Variants in STAM observed in about 807,000 individuals in gnomAD.
STAM encodes signal transducing adaptor molecule, also known as signal transducing adapter molecule 1.
Under a neutral mutation model 63.4 loss-of-function variants are expected in STAM, and 16 were observed. The observed-to-expected ratio is 0.25, with a 90% CI of 0.17 to 0.38. STAM has a LOEUF of 0.38. Ranked by LOEUF, STAM falls within the 10% of genes least tolerant of loss-of-function variation. STAM has a pLI of 1.00. For missense variants in STAM, 636 were observed against 657.1 expected (o/e 0.97, Z 0.35); for synonymous variants, 238 against 223.9 (o/e 1.06, Z -0.56).
At chr10:17,646,564 G>A (rs1477010826) in intron 1 of STAM, among the ~76,000 whole-genome samples, 1 of 152,226 alleles carries the variant, frequency 6.6e-6, no homozygotes, top group Non-Finnish European at 1.5e-5. Flanking sequence ...GAATGTGTCA[G>A]TTGAGCCTGC....
intron 2 of STAM, among the ~76,000 whole-genome samples, chr10:17,674,352 C>T (rs1834761072): frequency 6.6e-6 from 1 of 152,138 alleles, no homozygotes; most frequent in African/African-American, 2.4e-5. Context: ...TGTGGGTTAA[C>T]AGCTGGGCAG....
intron 8 of STAM, among the ~76,000 whole-genome samples, chr10:17,698,701 G>A (rs191091181): frequency 1.2e-3 from 190 of 152,078 alleles, no homozygotes; most frequent in African/African-American, 4.4e-3. Flanking sequence ...AAAATATTGT[G>A]AAATCCCTTT....
chr10:17,664,390 T>C (rs1435895344), intron 2 of STAM, among the ~76,000 whole-genome samples: 1 of 152,248 alleles, frequency 6.6e-6, no homozygotes, highest in Non-Finnish European at 1.5e-5. Context: ...CATCCCAAAC[T>C]GAAACCCTGT....
intron 9 of STAM, among the ~76,000 whole-genome samples, chr10:17,702,972 G>GCACT (rs1397762806): frequency 6.1e-4 from 80 of 131,108 alleles, no homozygotes; most frequent in African/African-American, 2.3e-3. Flanking sequence ...TCATGCCACT[G>GCACT]CACTCCAGCC....
At chr10:17,657,849 CTT>C (rs568800021) in intron 1 of STAM, among the ~76,000 whole-genome samples, 3 of 144,538 alleles carry the variant, frequency 2.1e-5, no homozygotes, top group East Asian at 4.0e-4. Context: ...TTTTCTCTCT[CTT>C]TTTTTTTTTT....
rs1836424811 is a variant in STAM, at chr10:17,708,889, A to C, written c.1323A>C (p.Ala441=). Residue 441 remains alanine (A), a synonymous_variant, in exon 13 of 14, where the codon GCA becomes GCC. Transcript: ENST00000377524. ...PPEQLSSLSQ[A]VVPPSANPAL... ...AGCAGCTGTCTTCTCTCAGCCAGGC[A>C]GTGGTCCCACCATCCGCAAACCCAG... The C allele has an allele frequency of 1.2e-6, 2 of 1,614,198 alleles. No homozygotes were observed. The highest frequency in any genetic ancestry group is 1.3e-5 in the African/African-American group (1 of 75,056).
chr10:17,684,719 A>G lies in STAM; in HGVS notation c.170A>G (p.Lys57Arg). 5 of 1,614,030 alleles carry G rather than the reference A, an allele frequency of 3.1e-6. No individual in the cohort carries two copies. Among genetic ancestry groups the G allele is most frequent in the Non-Finnish European group, 4.2e-6 (5 of 1,179,986 alleles). Residue 57 changes from lysine (K) to arginine (R), a missense_variant, in exon 3 of 14, where the codon AAA (lysine) becomes AGA (arginine). By Grantham distance (26) the Lys-to-Arg change is conservative (BLOSUM62 2). Transcript: ENST00000377524. ...TCTATTATGAGAAGAGTGAACCACAAAGATCCTCACGTTGCTATGCAGGCT... is the reference window on the plus strand; with the variant it reads ...TCTATTATGAGAAGAGTGAACCACAGAGATCCTCACGTTGCTATGCAGGCT... ...LRSIMRRVNH[K>R]DPHVAMQALT...
chr10:17,644,404 C>G, intron 1 of STAM, 25 bp downstream of exon 1: 1 of 1,613,906 alleles, frequency 6.2e-7, no homozygotes, highest in Non-Finnish European at 8.5e-7. Flanking sequence ...CTCTCCCTGC[C>G]CATTCCTCAC....
intron 2 of STAM, among the ~76,000 whole-genome samples, chr10:17,678,073 C>A (rs547407466): frequency 2.7e-4 from 41 of 152,206 alleles, no homozygotes; most frequent in African/African-American, 9.9e-4. Context: ...TATCTAATTC[C>A]TGAACAATCA....
chr10:17,674,983 A>G (rs1383087314), intron 2 of STAM, among the ~76,000 whole-genome samples: 1 of 152,244 alleles, frequency 6.6e-6, no homozygotes, highest in African/African-American at 2.4e-5. Flanking sequence ...TCATTTTTAA[A>G]TCTAACATTT....
intron 2 of STAM, among the ~76,000 whole-genome samples, chr10:17,662,347 C>T (rs1834205582): frequency 6.6e-6 from 1 of 152,114 alleles, no homozygotes; most frequent in East Asian, 1.9e-4. Context: ...TTTCCCATCT[C>T]TGTGTCTCAT....
intron 9 of STAM, among the ~76,000 whole-genome samples, chr10:17,701,977 A>G (rs1196055506): frequency 1.3e-5 from 2 of 152,178 alleles, no homozygotes; most frequent in Admixed American, 1.3e-4. Flanking sequence ...ATTAAAAATA[A>G]TTTTTAATGA....
At chr10:17,705,326 T>C (rs1218073806) in intron 11 of STAM, among the ~76,000 whole-genome samples, 2 of 152,190 alleles carry the variant, frequency 1.3e-5, no homozygotes, top group African/African-American at 4.8e-5. Context: ...AAATGACCCA[T>C]ATGTTAGTAA....
intron 1 of STAM, among the ~76,000 whole-genome samples, chr10:17,660,211 T>A (rs1331230697): frequency 2.6e-5 from 4 of 152,208 alleles, no homozygotes; most frequent in African/African-American, 9.6e-5. Context: ...ATAATTTTTT[T>A]ATAAAGAAAA....
At position 17,703,595 on chromosome 10, in the gene STAM, A is replaced by G. The variant is rs144961515; in HGVS notation, c.913-836A>G. Among the ~76,000 whole-genome samples the G allele has an allele frequency of 4.6e-3, 706 of 152,280 alleles. 6 individuals are homozygous for G. The highest frequency in any genetic ancestry group is 0.016 in the African/African-American group (675 of 41,564). On this transcript the variant is annotated intron_variant, in intron 9 of 13. Transcript: ENST00000377524. ...TGGATTTTTTAAAAAACATAAATAC[A>G]TATATACTTATATATCGTATAGATG...
chr10:17,702,690 A>C (rs938289646), intron 9 of STAM, among the ~76,000 whole-genome samples: 13 of 152,190 alleles, frequency 8.5e-5, no homozygotes, highest in Non-Finnish European at 1.6e-4. Context: ...GGCTAGGAGA[A>C]GTGATGTTTG....
intron 4 of STAM, among the ~76,000 whole-genome samples, chr10:17,686,466 T>C (rs1303043839): frequency 2.7e-5 from 4 of 150,742 alleles, no homozygotes; most frequent in African/African-American, 9.7e-5. Context: ...AGCCTCTGCC[T>C]CCCGGGTTCA....
chr10:17,666,033 T>C (rs1272013320), intron 2 of STAM, among the ~76,000 whole-genome samples: 1 of 152,186 alleles, frequency 6.6e-6, no homozygotes, highest in Non-Finnish European at 1.5e-5. Flanking sequence ...AATTTTTCTA[T>C]GTTAGTGTTG....
intron 2 of STAM, among the ~76,000 whole-genome samples, chr10:17,683,612 C>T (rs567289408): frequency 6.6e-6 from 1 of 152,076 alleles, no homozygotes; most frequent in Admixed American, 6.5e-5. Context: ...TAATTCCATC[C>T]ACTTTTTAAT....
Sources: gnomAD v4.1 joint callset for allele counts (sites outside exome capture counted in the v4.1 genomes callset) on GRCh38, gnomAD v4.1.1 for gene constraint, MANE v1.5 for transcripts, NCBI Gene and HGNC (gene_info 2026-07-23, HGNC 2026-07-21) for gene names.